KLHL3: variants seen among roughly 807,000 people sequenced by gnomAD.
The protein encoded by KLHL3 is kelch like family member 3.
Under a neutral mutation model 70.5 loss-of-function variants are expected in KLHL3, and 19 were observed. That is an observed-to-expected ratio of 0.27 (90% CI 0.19 to 0.40). KLHL3 has a LOEUF of 0.40. Among genes scored for constraint, KLHL3 ranks in the 10% least tolerant of loss-of-function variants. The probability of loss-of-function intolerance (pLI) is 1.00; values close to 1 mark genes in which losing one functional copy is unlikely to be tolerated. For synonymous variants in KLHL3, 258 were observed against 290.3 expected, an observed-to-expected ratio of 0.89 and a Z score of 1.13; for missense variants, 512 against 771.1, an observed-to-expected ratio of 0.66 and a Z score of 3.98.
chr5:137,729,687 A>T (rs1022564618), intron 1 of KLHL3, among the ~76,000 whole-genome samples: 2 of 152,172 alleles, frequency 1.3e-5, no homozygotes, highest in Non-Finnish European at 2.9e-5. Context: ...AACTCTGGAC[A>T]GCAATGGGAC....
At chr5:137,710,515 T>C (rs1752772324) in intron 2 of KLHL3, among the ~76,000 whole-genome samples, 1 of 152,234 alleles carries the variant, frequency 6.6e-6, no homozygotes, top group Non-Finnish European at 1.5e-5. Flanking sequence ...TTATTTAATG[T>C]TGTATCCTAG....
chr5:137,725,148 T>C (rs2149937441), intron 1 of KLHL3: 2 of 705,610 alleles, frequency 2.8e-6, no homozygotes, highest in Non-Finnish European at 3.5e-6. Flanking sequence ...AGTTCTTATT[T>C]CCAAATAAGG....
At chr5:137,628,168 G>T in intron 13 of KLHL3, 129 bp downstream of exon 13, 1 of 1,176,472 alleles carries the variant, frequency 8.5e-7, no homozygotes, top group Non-Finnish European at 1.2e-6. Context: ...CCTGGCAAAT[G>T]CACACTCCCT....
At position 137,621,931 on chromosome 5, in the gene KLHL3, T is replaced by G. The variant is rs952334981; in HGVS notation, c.*167A>C. 1 of 730,432 alleles carries G rather than the reference T, an allele frequency of 1.4e-6. No individual in the cohort carries two copies. The highest frequency in any genetic ancestry group is 1.7e-5 in the African/African-American group (1 of 57,876). 45.2% of individuals were successfully genotyped at this position (730,432 alleles called of 1,614,324 possible). A position where few individuals can be genotyped will look rare whatever the true frequency, so the allele number is the denominator to read the frequency against. On this transcript the variant is annotated 3_prime_UTR_variant, in exon 15 of 15. Transcript: ENST00000309755. ...TCAGGGGAACGGGGGTGGGTAATGG[T>G]GTCCACACTGCGATGAACAACACCA...
chr5:137,639,461 A>C lies in KLHL3; in HGVS notation c.1022-311T>G, dbSNP rs1750854619. On this transcript the variant is annotated intron_variant, in intron 9 of 14. Transcript: ENST00000309755. This position sits in a 1 kb window ranked among gnomAD's most constrained non-coding sequence, Gnocchi z 5.0. ...TGTAATTCCAGTACCTTGGGAAGCCAAGGCAGGTGGATCACCTGAGGTCAG... is the reference window on the plus strand; with the variant it reads ...TGTAATTCCAGTACCTTGGGAAGCCCAGGCAGGTGGATCACCTGAGGTCAG... Among the ~76,000 whole-genome samples, 1 of 152,096 alleles carries C rather than the reference A, an allele frequency of 6.6e-6. No homozygotes were observed. Among genetic ancestry groups the C allele is most frequent in the Non-Finnish European group, 1.5e-5 (1 of 68,016 alleles).
intron 4 of KLHL3, among the ~76,000 whole-genome samples, chr5:137,693,365 G>C (rs541171557): frequency 3.9e-5 from 6 of 152,314 alleles, no homozygotes; most frequent in African/African-American, 1.2e-4. Context: ...GACAGAAATA[G>C]TTCTTGCTCA....
intron 13 of KLHL3, 66 bp downstream of exon 13, chr5:137,628,231 A>G: frequency 6.4e-7 from 1 of 1,573,316 alleles, no homozygotes; most frequent in African/African-American, 1.3e-5. Flanking sequence ...TGCTGTTTAG[A>G]GCCAGTGTCT....
intron 1 of KLHL3, among the ~76,000 whole-genome samples, chr5:137,722,103 A>AT (rs982772495): frequency 3.3e-4 from 50 of 152,252 alleles, no homozygotes; most frequent in Non-Finnish European, 6.0e-4. Context: ...CTCTCCTTTG[A>AT]TTTTCCCTAG....
chr5:137,664,616 A>G (rs1438629235), intron 6 of KLHL3, among the ~76,000 whole-genome samples: 1 of 151,702 alleles, frequency 6.6e-6, no homozygotes, highest in East Asian at 1.9e-4. Context: ...CAGGAGTTTG[A>G]GACCAGCCTG....
chr5:137,637,264 C>CCTGGCCA, intron 11 of KLHL3, 30 bp downstream of exon 11: 1 of 1,592,358 alleles, frequency 6.3e-7, no homozygotes. Flanking sequence ...GCCAGGTAGG[C>CCTGGCCA]CTGGCCACTG....
intron 12 of KLHL3, among the ~76,000 whole-genome samples, chr5:137,631,051 A>G (rs187157135): frequency 4.6e-4 from 66 of 143,456 alleles, no homozygotes; most frequent in African/African-American, 1.6e-3. Flanking sequence ...CGAGATCACA[A>G]CTCAATCTCC....
At chr5:137,719,575 G>A (rs552600542) in intron 2 of KLHL3, among the ~76,000 whole-genome samples, 139 of 152,300 alleles carry the variant, frequency 9.1e-4, no homozygotes, top group African/African-American at 3.1e-3. Context: ...TCAGAGCCCC[G>A]AACCTGCCTT....
intron 2 of KLHL3, among the ~76,000 whole-genome samples, chr5:137,711,858 T>C (rs1314924605): frequency 6.6e-6 from 1 of 152,118 alleles, no homozygotes; most frequent in African/African-American, 2.4e-5. Context: ...CATTTTTACT[T>C]ACATTTAGGA....
At chr5:137,626,789 A>G (rs1275495656) in intron 13 of KLHL3, among the ~76,000 whole-genome samples, 1 of 152,202 alleles carries the variant, frequency 6.6e-6, no homozygotes, top group Admixed American at 6.5e-5. Flanking sequence ...GGATCACTTG[A>G]GCCCAGGAGT....
intron 5 of KLHL3, among the ~76,000 whole-genome samples, chr5:137,691,018 T>C (rs1408762015): frequency 6.6e-6 from 1 of 152,242 alleles, no homozygotes; most frequent in African/African-American, 2.4e-5. Context: ...TGAAGATTTC[T>C]TTCCAGCTAG....
chr5:137,698,908 T>C (rs1415780930), intron 3 of KLHL3, among the ~76,000 whole-genome samples: 1 of 152,224 alleles, frequency 6.6e-6, no homozygotes, highest in Non-Finnish European at 1.5e-5. Context: ...TTAAGCACTT[T>C]AAAGTCTTTT....
At chr5:137,657,498 A>G (rs1257432646) in intron 8 of KLHL3, among the ~76,000 whole-genome samples, 1 of 152,140 alleles carries the variant, frequency 6.6e-6, no homozygotes, top group Non-Finnish European at 1.5e-5. Context: ...GAACCAAAGC[A>G]GCCAGCACAC....
At chr5:137,649,589 CTG>C (rs1421095606) in intron 8 of KLHL3, among the ~76,000 whole-genome samples, 1 of 152,232 alleles carries the variant, frequency 6.6e-6, no homozygotes, top group Admixed American at 6.5e-5. Flanking sequence ...CCCACAGAAA[CTG>C]TGAGATGATA....
At chr5:137,626,027 G>T in intron 13 of KLHL3, 131 bp from the exon 14 acceptor site, 2 of 1,120,460 alleles carry the variant, frequency 1.8e-6, no homozygotes, top group Non-Finnish European at 2.5e-6. Flanking sequence ...CAGAGATTTG[G>T]CTCCACAGGT....
Sources: allele counts gnomAD v4.1 joint callset (sites outside exome capture counted in the v4.1 genomes callset), GRCh38; gene constraint gnomAD v4.1.1; non-coding constraint Gnocchi (gnomAD v3.1); transcripts MANE v1.5; gene names NCBI Gene and HGNC (gene_info 2026-07-23, HGNC 2026-07-21).